Variants in DOK6 observed in about 807,000 individuals in gnomAD.
DOK6 encodes the protein downstream of tyrosine kinase 6.
In DOK6, 22 loss-of-function variants were observed where a neutral mutation model predicts 44.0. That is an observed-to-expected ratio of 0.50 (90% CI 0.36 to 0.71). The LOEUF is 0.71. Ranked by LOEUF, DOK6 falls within the 30% of genes least tolerant of loss-of-function variation. The pLI is 0.00. For synonymous variants in DOK6, 166 were observed against 145.5 expected (o/e 1.14, Z -1.01); for missense variants, 340 against 416.4 (o/e 0.82, Z 1.60).
intron 7 of DOK6, among the ~76,000 whole-genome samples, chr18:69,817,719 T>G (rs1400439802): frequency 6.6e-6 from 1 of 152,074 alleles, no homozygotes; most frequent in Non-Finnish European, 1.5e-5. Context: ...ACATTGTGAG[T>G]GAAGGCTTCA....
intron 3 of DOK6, among the ~76,000 whole-genome samples, chr18:69,639,924 G>A (rs1288192421): frequency 1.3e-5 from 2 of 152,168 alleles, no homozygotes; most frequent in African/African-American, 4.8e-5. Context: ...TCCTCTGATT[G>A]TTACAGCTGG....
At chr18:69,409,392 G>C (rs1978297298) in intron 1 of DOK6, among the ~76,000 whole-genome samples, 1 of 152,004 alleles carries the variant, frequency 6.6e-6, no homozygotes, top group Non-Finnish European at 1.5e-5. Context: ...GCTTTTTTCT[G>C]ATTACTCACT....
intron 4 of DOK6, among the ~76,000 whole-genome samples, chr18:69,685,036 G>A (rs1986121357): frequency 6.6e-6 from 1 of 152,110 alleles, no homozygotes; most frequent in Non-Finnish European, 1.5e-5. Context: ...TTTCAATTCA[G>A]CCTAGAGGAA....
At chr18:69,597,478 A>G (rs754799033) in intron 2 of DOK6, among the ~76,000 whole-genome samples, 1 of 152,216 alleles carries the variant, frequency 6.6e-6, no homozygotes, top group African/African-American at 2.4e-5. Flanking sequence ...ACTGTACCTC[A>G]TGCTGAATAA....
chr18:69,509,321 C>T (rs979349725), intron 1 of DOK6, among the ~76,000 whole-genome samples: 2 of 152,018 alleles, frequency 1.3e-5, no homozygotes, highest in East Asian at 1.9e-4. Flanking sequence ...AATGTTATGC[C>T]GATAATCACA....
intron 2 of DOK6, among the ~76,000 whole-genome samples, chr18:69,575,960 T>A (rs1337124186): frequency 1.3e-5 from 2 of 152,002 alleles, no homozygotes; most frequent in Non-Finnish European, 2.9e-5. Context: ...ATCACAGAAG[T>A]TTTTAAATAT....
chr18:69,464,346 T>C (rs1430207045), intron 1 of DOK6, among the ~76,000 whole-genome samples: 1 of 152,198 alleles, frequency 6.6e-6, no homozygotes. Context: ...GGTATGTTTG[T>C]TTTTCTGTTT....
intron 1 of DOK6, among the ~76,000 whole-genome samples, chr18:69,485,571 T>C (rs939497442): frequency 3.3e-5 from 5 of 152,098 alleles, no homozygotes; most frequent in East Asian, 1.9e-4. Flanking sequence ...GGCTTAATCC[T>C]TTTTTGTGCC....
intron 1 of DOK6, among the ~76,000 whole-genome samples, chr18:69,547,019 T>C (rs995465369): frequency 1.3e-5 from 2 of 151,422 alleles, no homozygotes; most frequent in African/African-American, 2.4e-5. Flanking sequence ...GAAGGTGAAG[T>C]GGGAGCAGAC....
chr18:69,584,335 G>A (rs968983685), intron 2 of DOK6, among the ~76,000 whole-genome samples: 4 of 151,962 alleles, frequency 2.6e-5, no homozygotes, highest in African/African-American at 9.7e-5. Context: ...CACCCAAGCT[G>A]GAGTGCAGTG....
chr18:69,401,687 G>A (rs190027488), intron 1 of DOK6, among the ~76,000 whole-genome samples: 10 of 152,218 alleles, frequency 6.6e-5, no homozygotes, highest in African/African-American at 2.4e-4. Context: ...TGGAACTGCT[G>A]TGTGTGGCGA....
intron 2 of DOK6, among the ~76,000 whole-genome samples, chr18:69,580,239 A>G (rs1983335447): frequency 6.6e-6 from 1 of 152,046 alleles, no homozygotes; most frequent in Non-Finnish European, 1.5e-5. Context: ...TCTGCTTCAA[A>G]GCTCCTTCTG....
chr18:69,616,631 G>A (rs1450219597), intron 3 of DOK6, among the ~76,000 whole-genome samples: 9 of 152,150 alleles, frequency 5.9e-5, no homozygotes, highest in Admixed American at 2.6e-4. Flanking sequence ...AGTATCAGCT[G>A]GAAAATGGTT....
intron 7 of DOK6, among the ~76,000 whole-genome samples, chr18:69,809,582 AC>A (rs1343346634): frequency 3.3e-5 from 5 of 151,172 alleles, no homozygotes; most frequent in Non-Finnish European, 7.4e-5. Flanking sequence ...ACACACACAC[AC>A]ACACACACAC....
intron 4 of DOK6, among the ~76,000 whole-genome samples, chr18:69,695,049 A>C (rs1478717569): frequency 6.6e-6 from 1 of 152,194 alleles, no homozygotes; most frequent in African/African-American, 2.4e-5. Context: ...CTTTTGAAAA[A>C]AGCAAGTGTT....
At chr18:69,651,102 A>G (rs36023613) in intron 3 of DOK6, among the ~76,000 whole-genome samples, 62,920 of 151,940 alleles carry the variant, frequency 0.41, 13,513 homozygotes, top group Admixed American at 0.46. Context: ...TTCCCAGAGG[A>G]AATAGAAGTC....
intron 1 of DOK6, among the ~76,000 whole-genome samples, chr18:69,473,778 G>A (rs1980183138): frequency 6.6e-6 from 1 of 152,140 alleles, no homozygotes; most frequent in Non-Finnish European, 1.5e-5. Flanking sequence ...ATTTTAAATG[G>A]CTTTGACCAC....
At chr18:69,712,253 C>A (rs1389093241) in intron 5 of DOK6, among the ~76,000 whole-genome samples, 1 of 114,674 alleles carries the variant, frequency 8.7e-6, no homozygotes, top group Non-Finnish European at 1.7e-5. Context: ...TGCACTCCAG[C>A]CTGGGCGACA....
At chr18:69,561,540 A>G (rs918225872) in intron 1 of DOK6, among the ~76,000 whole-genome samples, 2 of 152,160 alleles carry the variant, frequency 1.3e-5, no homozygotes, top group African/African-American at 4.8e-5. Context: ...ACATAACTAC[A>G]ACATTATGTG....
Sources: gnomAD v4.1 joint callset for allele counts (sites outside exome capture counted in the v4.1 genomes callset) on GRCh38, gnomAD v4.1.1 for gene constraint, MANE v1.5 for transcripts, NCBI Gene and HGNC (gene_info 2026-07-23, HGNC 2026-07-21) for gene names.